Variants in MGAT5 observed in about 807,000 individuals in gnomAD.
MGAT5 encodes alpha-1,6-mannosylglycoprotein 6-beta-N-acetylglucosaminyltransferase, also known as alpha-1,6-mannosylglycoprotein 6-beta-N-acetylglucosaminyltransferase A.
In MGAT5, 30 loss-of-function variants were observed where a neutral mutation model predicts 94.3. The ratio of observed to expected loss-of-function variants is 0.32; its 90% CI spans 0.24 to 0.43. The LOEUF is 0.43. MGAT5 is among the 20% of genes least tolerant of loss of function. MGAT5 has a pLI of 1.00. For synonymous variants in MGAT5, 310 were observed against 322.9 expected, an observed-to-expected ratio of 0.96 and a Z score of 0.43; for missense variants, 691 against 905.5, an observed-to-expected ratio of 0.76 and a Z score of 3.04.
At chr2:134,130,610 T>G (rs1215290858) in intron 1 of MGAT5, among the ~76,000 whole-genome samples, 2 of 151,858 alleles carry the variant, frequency 1.3e-5, no homozygotes, top group Admixed American at 6.6e-5. Context: ...GGTGGGGACT[T>G]GGAGAACTTT....
intron 12 of MGAT5, among the ~76,000 whole-genome samples, chr2:134,414,677 T>C (rs1205896943): frequency 1.3e-5 from 2 of 152,216 alleles, no homozygotes; most frequent in East Asian, 3.8e-4. Flanking sequence ...ACAGTATTGT[T>C]AACTATGGTC....
At chr2:134,313,533 C>T (rs1410981698) in intron 2 of MGAT5, among the ~76,000 whole-genome samples, 6 of 152,150 alleles carry the variant, frequency 3.9e-5, no homozygotes, top group Admixed American at 2.0e-4. Flanking sequence ...GTAAGGGTAA[C>T]GGATTAAACC....
intron 5 of MGAT5, 84 bp from the exon 6 acceptor site, chr2:134,338,175 A>T: frequency 1.7e-6 from 2 of 1,167,368 alleles, no homozygotes; most frequent in Non-Finnish European, 2.4e-6. Context: ...TAACCCTTTT[A>T]AGTTTTCAGA....
chr2:134,180,177 G>A (rs977454496), intron 1 of MGAT5, among the ~76,000 whole-genome samples: 3 of 152,164 alleles, frequency 2.0e-5, no homozygotes, highest in African/African-American at 7.2e-5. Context: ...AGTATACTCA[G>A]TCCAGCAGCC....
rs1390440820 is a variant in MGAT5, at chr2:134,450,829, TGTATGA to T, written c.*1984_*1989del. 82 of 130,056 alleles carry T rather than the reference TGTATGA, an allele frequency of 6.3e-4. No homozygotes were observed. Among genetic ancestry groups the T allele is most frequent in the African/African-American group, 1.9e-3 (62 of 32,840 alleles). 8.1% of individuals were successfully genotyped at this position (130,056 alleles called of 1,614,324 possible). A position where few individuals can be genotyped will look rare whatever the true frequency, so the allele number is the denominator to read the frequency against. On this transcript the variant is annotated 3_prime_UTR_variant, in exon 16 of 16. Coordinates refer to ENST00000281923, the MANE Select transcript of MGAT5 (RefSeq NM_002410.5). ...GTGTGTGTGTGTGTGTGTGTGTGTG[TGTATGA>T]GCCTGTGCATTTCTTTTAAGCAAGG...
chr2:134,333,682 C>T (rs1479402219), intron 4 of MGAT5, among the ~76,000 whole-genome samples: 1 of 151,972 alleles, frequency 6.6e-6, no homozygotes, highest in African/African-American at 2.4e-5. Context: ...TGTTAAAGGA[C>T]CCTGGACAGA....
intron 9 of MGAT5, among the ~76,000 whole-genome samples, chr2:134,353,622 G>T (rs377200936): frequency 5.9e-5 from 9 of 152,230 alleles, no homozygotes; most frequent in African/African-American, 2.2e-4. Flanking sequence ...AATAGTTGAT[G>T]AGAGAAAGTC....
chr2:134,149,435 C>T (rs368199071), intron 1 of MGAT5, among the ~76,000 whole-genome samples: 1 of 150,926 alleles, frequency 6.6e-6, no homozygotes, highest in East Asian at 1.9e-4. Context: ...AAAAAAAAAT[C>T]CCTGTGCATC....
intron 1 of MGAT5, among the ~76,000 whole-genome samples, chr2:134,135,538 A>G (rs1329502785): frequency 6.6e-6 from 1 of 151,808 alleles, no homozygotes; most frequent in Non-Finnish European, 1.5e-5. Context: ...CTAAAAATAC[A>G]AAAATTAGCT....
At chr2:134,262,133 A>G (rs1225760162) in intron 1 of MGAT5, among the ~76,000 whole-genome samples, 1 of 152,208 alleles carries the variant, frequency 6.6e-6, no homozygotes. Flanking sequence ...ATATCATTTA[A>G]CCTCATAGGC....
In MGAT5 at chr2:134,280,620, T is replaced by G. The variant is rs534040757; in HGVS notation, c.406+10070T>G. Among the ~76,000 whole-genome samples the G allele has an allele frequency of 1.6e-3, 239 of 152,322 alleles. 2 individuals carry two copies. Among genetic ancestry groups the G allele is most frequent in the Non-Finnish European group, 9.7e-4 (66 of 68,032 alleles). ...GATGGGCTCTTGAACCAGAGAAAAG[T>G]GGACACCCAGTGAAGGACTTGTGCT... On this transcript the variant is annotated intron_variant, in intron 2 of 15. Coordinates refer to ENST00000281923, the MANE Select transcript of MGAT5 (RefSeq NM_002410.5).
chr2:134,124,443 A>G (rs761773166), intron 1 of MGAT5, among the ~76,000 whole-genome samples: 6 of 152,230 alleles, frequency 3.9e-5, no homozygotes, highest in African/African-American at 1.4e-4. Context: ...GTCTAAACAT[A>G]CAATCTTCTG....
chr2:134,228,081 G>A (rs1468101370), intron 1 of MGAT5, among the ~76,000 whole-genome samples: 1 of 152,164 alleles, frequency 6.6e-6, no homozygotes, highest in African/African-American at 2.4e-5. Flanking sequence ...GATAAAAGAG[G>A]AAAGGTGGGG....
intron 10 of MGAT5, among the ~76,000 whole-genome samples, chr2:134,366,321 C>A (rs1680427845): frequency 6.6e-6 from 1 of 152,192 alleles, no homozygotes; most frequent in Admixed American, 6.5e-5. Context: ...GAAGTGTTAA[C>A]TATATTACTT....
intron 10 of MGAT5, among the ~76,000 whole-genome samples, chr2:134,378,182 C>CA (rs1681305683): frequency 6.6e-6 from 1 of 152,190 alleles, no homozygotes; most frequent in African/African-American, 2.4e-5. Context: ...AAAGATGCTA[C>CA]AGGAGGAAGT....
chr2:134,320,898 G>A (rs1687274128), intron 4 of MGAT5, among the ~76,000 whole-genome samples: 1 of 152,060 alleles, frequency 6.6e-6, no homozygotes, highest in African/African-American at 2.4e-5. Flanking sequence ...ACTTTTTGGG[G>A]GTTCCAACCG....
At chr2:134,169,962 T>G (rs1458388277) in intron 1 of MGAT5, among the ~76,000 whole-genome samples, 2 of 152,216 alleles carry the variant, frequency 1.3e-5, no homozygotes, top group African/African-American at 2.4e-5. Flanking sequence ...TCATGAACTT[T>G]TTTTTGAATC....
At chr2:134,274,844 G>A (rs889681094) in intron 2 of MGAT5, among the ~76,000 whole-genome samples, 1 of 152,200 alleles carries the variant, frequency 6.6e-6, no homozygotes, top group Non-Finnish European at 1.5e-5. Flanking sequence ...AAAGTGGGGA[G>A]CGATATGCAA....
chr2:134,127,506 C>G lies in MGAT5; in HGVS notation c.-143+7215C>G, dbSNP rs183240761. Among the ~76,000 whole-genome samples, 560 of 121,920 alleles carry G rather than the reference C, an allele frequency of 4.6e-3. 2 individuals carry two copies. Among genetic ancestry groups the G allele is most frequent in the Middle Eastern group, 0.01 (2 of 200 alleles). 80.0% of individuals were successfully genotyped at this position (121,920 alleles called of 152,430 possible). A position where few individuals can be genotyped will look rare whatever the true frequency, so the allele number is the denominator to read the frequency against. ...TCAAGGAAAAGGTTTCCCCCCCCCC[C>G]AGGCTTGTTCCAACCCCCCCAAAAC... On this transcript the variant is annotated intron_variant, in intron 1 of 16. Coordinates refer to the MGAT5 transcript ENST00000409645.
Sources: allele counts gnomAD v4.1 joint callset (sites outside exome capture counted in the v4.1 genomes callset), GRCh38; gene constraint gnomAD v4.1.1; transcripts MANE v1.5; gene names NCBI Gene and HGNC (gene_info 2026-07-23, HGNC 2026-07-21).